The following VPS45 variants were observed in gnomAD, a reference collection of about 807,000 sequenced individuals.
VPS45 encodes the protein vacuolar protein sorting-associated protein 45.
Under a neutral mutation model 75.9 loss-of-function variants are expected in VPS45, and 35 were observed. That is an observed-to-expected ratio of 0.46 (90% CI 0.35 to 0.61). VPS45 has a LOEUF of 0.61. Ranked by LOEUF, VPS45 falls within the 20% of genes least tolerant of loss-of-function variation. The pLI is 0.00. For synonymous variants in VPS45, 220 were observed against 238.2 expected (o/e 0.92, Z 0.70); for missense variants, 559 against 685.9 (o/e 0.81, Z 2.07).
intron 14 of VPS45, among the ~76,000 whole-genome samples, chr1:150,138,088 A>G (rs1553814350): frequency 6.6e-6 from 1 of 151,956 alleles, no homozygotes; most frequent in Admixed American, 6.6e-5. Context: ...CTTCCCTCAC[A>G]TATTCTCTTA....
At chr1:150,099,832 C>CATAAA in intron 13 of VPS45, among the ~76,000 whole-genome samples, 1 of 108,522 alleles carries the variant, frequency 9.2e-6, no homozygotes, top group Admixed American at 1.1e-4. Context: ...GACTCCGTCT[C>CATAAA]AAAAAAAAAA....
intron 14 of VPS45, among the ~76,000 whole-genome samples, chr1:150,139,632 C>T (rs587711094): frequency 6.6e-6 from 1 of 152,254 alleles, no homozygotes; most frequent in South Asian, 2.1e-4. Flanking sequence ...ACTGCAGTCT[C>T]TAAATCCTGG....
rs782142124 is a variant in VPS45, at chr1:150,092,355, C to T, written c.1317C>T (p.Leu439=). The T allele has an allele frequency of 6.2e-7, 1 of 1,614,162 alleles. No homozygotes were observed. Among genetic ancestry groups the T allele is most frequent in the South Asian group, 1.1e-5 (1 of 91,086 alleles). ...GTAAACGAGTCAGAGGAAGTGACCT[C>T]TTCAGCCCCAAAGATGCTGTGGCTA... The part of the protein sequence containing the change: ...YGGKRVRGSD[L]FSPKDAVAIT... The change falls in exon 12 of 15, where the codon CTC becomes CTT. Residue 439 remains leucine (L), a synonymous_variant. Transcript: ENST00000644510.
chr1:150,071,128 A>G (rs1655047473), intron 2 of VPS45, among the ~76,000 whole-genome samples: 1 of 151,982 alleles, frequency 6.6e-6, no homozygotes, highest in Non-Finnish European at 1.5e-5. Context: ...CTTTTTTTTA[A>G]TTCTGTAAAG....
intron 7 of VPS45, among the ~76,000 whole-genome samples, chr1:150,078,446 A>C (rs1406260889): frequency 1.3e-5 from 2 of 152,136 alleles, no homozygotes; most frequent in African/African-American, 4.8e-5. Flanking sequence ...ATCTTCACCT[A>C]TCAAAATACT....
At chr1:150,138,346 A>C (rs886885880) in intron 14 of VPS45, among the ~76,000 whole-genome samples, 3 of 152,042 alleles carry the variant, frequency 2.0e-5, no homozygotes, top group Non-Finnish European at 4.4e-5. Flanking sequence ...CAGGAACTAT[A>C]CTGTCTTGGT....
chr1:150,108,779 G>A (rs745482689), intron 13 of VPS45, among the ~76,000 whole-genome samples: 50 of 152,040 alleles, frequency 3.3e-4, no homozygotes, highest in Non-Finnish European at 6.6e-4. Flanking sequence ...CCTCCCATGC[G>A]TAGTTCACAG....
intron 3 of VPS45, among the ~76,000 whole-genome samples, chr1:150,073,114 T>C (rs782531531): frequency 1.2e-4 from 19 of 152,148 alleles, no homozygotes; most frequent in Non-Finnish European, 2.2e-4. Flanking sequence ...TTTACATGGA[T>C]TTTTTTGATC....
At chr1:150,135,028 A>G (rs1008939597) in intron 14 of VPS45, among the ~76,000 whole-genome samples, 2 of 152,188 alleles carry the variant, frequency 1.3e-5, no homozygotes, top group Non-Finnish European at 2.9e-5. Flanking sequence ...CCAGTGGAGG[A>G]GTCAAACAAA....
chr1:150,099,346 C>CA (rs1656838520), intron 13 of VPS45, among the ~76,000 whole-genome samples: 1 of 151,100 alleles, frequency 6.6e-6, no homozygotes, highest in South Asian at 2.1e-4. Context: ...AAAAAAAATA[C>CA]AAAAATTAGC....
At chr1:150,140,386 G>GGGGT (rs1553815016) in intron 14 of VPS45, among the ~76,000 whole-genome samples, 3 of 140,346 alleles carry the variant, frequency 2.1e-5, no homozygotes, top group African/African-American at 8.1e-5. Context: ...CATCACTTCT[G>GGGGT]GTGTGTGTGT....
At chr1:150,108,028 A>G (rs1313650590) in intron 13 of VPS45, among the ~76,000 whole-genome samples, 1 of 152,192 alleles carries the variant, frequency 6.6e-6, no homozygotes, top group African/African-American at 2.4e-5. Context: ...CTTCTGCTCC[A>G]AAGGAAGAGT....
intron 14 of VPS45, among the ~76,000 whole-genome samples, chr1:150,128,843 G>A (rs1553811516): frequency 1.3e-5 from 2 of 152,066 alleles, no homozygotes; most frequent in East Asian, 1.9e-4. Context: ...GGGTTCAAGC[G>A]ATTCTCCTGC....
intron 13 of VPS45, among the ~76,000 whole-genome samples, chr1:150,106,593 CT>C (rs1287060519): frequency 1.3e-5 from 2 of 152,130 alleles, no homozygotes; most frequent in Admixed American, 6.6e-5. Context: ...CTTCTGAAGC[CT>C]TTGTTATTTT....
intron 8 of VPS45, 56 bp from the exon 9 acceptor site, chr1:150,081,828 G>T: frequency 1.8e-6 from 2 of 1,095,686 alleles, no homozygotes; most frequent in Non-Finnish European, 1.3e-6. Context: ...CTTCTTTCAA[G>T]TTGTCTGAAA....
At chr1:150,080,226 A>G (rs1571829524) in intron 7 of VPS45, among the ~76,000 whole-genome samples, 1 of 151,564 alleles carries the variant, frequency 6.6e-6, no homozygotes, top group Non-Finnish European at 1.5e-5. Context: ...GCTCACTACA[A>G]CCTCCGCCTC....
chr1:150,081,718 A>G (rs766435217), intron 8 of VPS45, among the ~76,000 whole-genome samples, 166 bp from the exon 9 acceptor site: 8 of 152,204 alleles, frequency 5.3e-5, no homozygotes, highest in Non-Finnish European at 1.0e-4. Context: ...TTGTGAGAAT[A>G]GTAATGGTAT....
chr1:150,127,619 T>A (rs1300773566), intron 14 of VPS45, among the ~76,000 whole-genome samples: 2 of 152,210 alleles, frequency 1.3e-5, no homozygotes, highest in African/African-American at 4.8e-5. Context: ...GTTATCAACT[T>A]CCTTTTTCAG....
At chr1:150,132,592 C>A (rs1181929517) in intron 14 of VPS45, among the ~76,000 whole-genome samples, 3 of 152,222 alleles carry the variant, frequency 2.0e-5, no homozygotes, top group Non-Finnish European at 4.4e-5. Flanking sequence ...TCCTTCAGCA[C>A]ATATGTTCTT....
Sources: allele counts gnomAD v4.1 joint callset (sites outside exome capture counted in the v4.1 genomes callset), GRCh38; gene constraint gnomAD v4.1.1; transcripts MANE v1.5; gene names NCBI Gene and HGNC (gene_info 2026-07-23, HGNC 2026-07-21).